The following SLC9A9 variants were observed in gnomAD, a reference collection of about 807,000 sequenced individuals.
SLC9A9 encodes solute carrier family 9 member A9.
In SLC9A9, 62 loss-of-function variants were observed where a neutral mutation model predicts 77.8. The ratio of observed to expected loss-of-function variants is 0.80; its 90% CI spans 0.65 to 0.98. The LOEUF (loss-of-function observed/expected upper bound fraction) is 0.98. SLC9A9 is among the 50% of genes least tolerant of loss of function. The probability of loss-of-function intolerance (pLI) is 0.00; values close to 1 mark genes in which losing one functional copy is unlikely to be tolerated. For synonymous variants in SLC9A9, 320 were observed against 283.5 expected, an observed-to-expected ratio of 1.13 and a Z score of -1.29; for missense variants, 775 against 774.9, an observed-to-expected ratio of 1.00 and a Z score of 0.00.
chr3:143,659,772 C>T (rs567127193), intron 5 of SLC9A9, among the ~76,000 whole-genome samples: 6 of 152,224 alleles, frequency 3.9e-5, no homozygotes, highest in Admixed American at 6.5e-5. Flanking sequence ...GTGTAATTAA[C>T]GTTATTGATA....
chr3:143,825,293 A>G (rs2009270299), intron 2 of SLC9A9, among the ~76,000 whole-genome samples: 1 of 152,140 alleles, frequency 6.6e-6, no homozygotes, highest in Admixed American at 6.5e-5. Flanking sequence ...CCCTGGCCTT[A>G]TTGAAGCTCA....
intron 13 of SLC9A9, among the ~76,000 whole-genome samples, chr3:143,370,426 C>A (rs2033023442): frequency 6.6e-6 from 1 of 152,086 alleles, no homozygotes; most frequent in Admixed American, 6.6e-5. Context: ...AAATGATGGA[C>A]CAACTTAGAG....
At chr3:143,428,794 C>A (rs946235925) in intron 12 of SLC9A9, among the ~76,000 whole-genome samples, 1 of 152,078 alleles carries the variant, frequency 6.6e-6, no homozygotes, top group African/African-American at 2.4e-5. Flanking sequence ...CACAGATGAA[C>A]CTGGAGGACA....
At chr3:143,659,098 C>T (rs1339776087) in intron 5 of SLC9A9, among the ~76,000 whole-genome samples, 1 of 152,174 alleles carries the variant, frequency 6.6e-6, no homozygotes, top group Non-Finnish European at 1.5e-5. Flanking sequence ...GACGATGACT[C>T]ACCCCTTCAT....
At chr3:143,457,604 T>C (rs1016412687) in intron 12 of SLC9A9, among the ~76,000 whole-genome samples, 2 of 152,174 alleles carry the variant, frequency 1.3e-5, no homozygotes, top group Admixed American at 6.5e-5. Flanking sequence ...GTGCTATACA[T>C]TTCTTTCTGA....
At position 143,663,946 on chromosome 3, in the gene SLC9A9, C is replaced by A. The variant is rs557288272; in HGVS notation, c.650-11586G>T. Reference sequence around the variant, plus strand: ...GGAGAACTTCCCCAGTCTAGCAAGGCAGGCCAACATTCAAATTCAGGAAAT... The same window carrying A: ...GGAGAACTTCCCCAGTCTAGCAAGGAAGGCCAACATTCAAATTCAGGAAAT... On this transcript the variant is annotated intron_variant, in intron 5 of 15. Coordinates refer to ENST00000316549, the MANE Select transcript of SLC9A9 (RefSeq NM_173653.4). Among the ~76,000 whole-genome samples, 7 of 152,194 alleles carry A rather than the reference C, an allele frequency of 4.6e-5. No individual in the cohort carries two copies. The East Asian group carries it at 1.4e-3, about 29-fold the overall frequency.
intron 14 of SLC9A9, among the ~76,000 whole-genome samples, chr3:143,304,354 G>A (rs956818293): frequency 1.3e-5 from 2 of 152,224 alleles, no homozygotes; most frequent in Admixed American, 1.3e-4. Context: ...TGCCTAGGAG[G>A]CGCATATGTT....
rs1334030967 is a variant in SLC9A9, at chr3:143,795,032, A to G, written c.502T>C (p.Leu168=). 11 of 1,613,904 alleles carry G rather than the reference A, an allele frequency of 6.8e-6. No homozygotes were observed. The highest frequency in any genetic ancestry group is 8.5e-6 in the Non-Finnish European group (10 of 1,179,966). ...ACGATGCAGGAGATGGCAGTTCCCA[A>G]GAAGGCATACGTTAAAATAGATCCT... ...NLGSILTYAF[L]GTAISCIVIG... Residue 168 remains leucine (L), a synonymous_variant, in exon 4 of 16, where the codon TTG becomes CTG. Coordinates refer to ENST00000316549, the MANE Select transcript of SLC9A9 (RefSeq NM_173653.4).
chr3:143,574,129 G>C lies in SLC9A9; in HGVS notation c.959C>G (p.Ser320Cys), dbSNP rs1193958619. The part of the protein sequence containing the change: ...MLETGLFFLL[S>C]WSAFLSAEAA... ...CTCGGCAGACAGGAAGGCACTCCAA[G>C]AAAGCAGGAAAAACAGGCCGGTTTC... is the stretch of plus-strand genomic sequence containing the variant. The change falls in exon 8 of 16, where the codon TCT (serine) becomes TGT (cysteine). Residue 320 changes from serine (S) to cysteine (C), a missense_variant. Ser to Cys is a moderately radical substitution (Grantham distance 112). Coordinates refer to ENST00000316549, the MANE Select transcript of SLC9A9 (RefSeq NM_173653.4). 6.2e-7 allele frequency: 1 copy of C among 1,613,484 alleles called. No individual in the cohort carries two copies. Among genetic ancestry groups the C allele is most frequent in the African/African-American group, 1.3e-5 (1 of 74,888 alleles).
At chr3:143,757,983 G>A (rs1183579998) in intron 4 of SLC9A9, among the ~76,000 whole-genome samples, 1 of 152,050 alleles carries the variant, frequency 6.6e-6, no homozygotes, top group East Asian at 1.9e-4. Context: ...CTTTGTTATT[G>A]CTACCACCAC....
chr3:143,394,113 C>T (rs192473420), intron 12 of SLC9A9, among the ~76,000 whole-genome samples: 380 of 152,288 alleles, frequency 2.5e-3, no homozygotes, highest in African/African-American at 9.0e-3. Context: ...AGGCCAGCAT[C>T]ATCCTGATAC....
At chr3:143,478,479 G>T (rs559974205) in intron 11 of SLC9A9, among the ~76,000 whole-genome samples, 1 of 152,312 alleles carries the variant, frequency 6.6e-6, no homozygotes, top group Non-Finnish European at 1.5e-5. Flanking sequence ...GGGAGGTGGG[G>T]CTAGGATCCT....
chr3:143,831,053 C>A (rs2009422024), intron 2 of SLC9A9, among the ~76,000 whole-genome samples: 1 of 152,028 alleles, frequency 6.6e-6, no homozygotes, highest in African/African-American at 2.4e-5. Context: ...AATTAGTCAT[C>A]TTGACTGAGG....
At chr3:143,689,511 A>T (rs1933388200) in intron 5 of SLC9A9, among the ~76,000 whole-genome samples, 1 of 151,996 alleles carries the variant, frequency 6.6e-6, no homozygotes, top group Non-Finnish European at 1.5e-5. Flanking sequence ...TGATCCTCCC[A>T]CCTCAGCCTC....
At chr3:143,684,781 C>A (rs1224195985) in intron 5 of SLC9A9, among the ~76,000 whole-genome samples, 2 of 151,986 alleles carry the variant, frequency 1.3e-5, no homozygotes, top group African/African-American at 4.8e-5. Context: ...TCTTTTATTT[C>A]TGAAGCTTGG....
At chr3:143,509,416 G>A (rs754553403) in intron 9 of SLC9A9, among the ~76,000 whole-genome samples, 4 of 152,066 alleles carry the variant, frequency 2.6e-5, no homozygotes, top group South Asian at 2.1e-4. Context: ...ATTTTACAAC[G>A]ATTAAGTTTT....
At chr3:143,844,509 TAGTG>T (rs979977934) in intron 1 of SLC9A9, among the ~76,000 whole-genome samples, 1 of 152,098 alleles carries the variant, frequency 6.6e-6, no homozygotes, top group Admixed American at 6.5e-5. Context: ...ATTATACAAA[TAGTG>T]AGAGCAAGAA....
chr3:143,619,492 C>A (rs1275098849), intron 6 of SLC9A9, among the ~76,000 whole-genome samples: 2 of 152,198 alleles, frequency 1.3e-5, no homozygotes, highest in African/African-American at 4.8e-5. Context: ...CCATGCATAG[C>A]AGTCAAATAT....
At chr3:143,637,973 T>C (rs1488257320) in intron 6 of SLC9A9, among the ~76,000 whole-genome samples, 3 of 152,346 alleles carry the variant, frequency 2.0e-5, no homozygotes, top group South Asian at 2.1e-4. Flanking sequence ...ATTTTTCTAC[T>C]TTTCCTAACT....
Sources: gnomAD v4.1 joint callset for allele counts (sites outside exome capture counted in the v4.1 genomes callset) on GRCh38, gnomAD v4.1.1 for gene constraint, MANE v1.5 for transcripts, NCBI Gene and HGNC (gene_info 2026-07-23, HGNC 2026-07-21) for gene names.